The following ZNF804B variants were observed in gnomAD, a reference collection of about 807,000 sequenced individuals.
The protein encoded by ZNF804B is zinc finger protein 804B.
In ZNF804B, 80 loss-of-function variants were observed where a neutral mutation model predicts 101.4. The ratio of observed to expected loss-of-function variants is 0.79; its 90% CI spans 0.66 to 0.95. The LOEUF is 0.95. ZNF804B is among the 40% of genes least tolerant of loss of function. The pLI, the probability that ZNF804B is intolerant of heterozygous loss-of-function variation, is 0.00. For synonymous variants in ZNF804B, 622 were observed against 558.8 expected, an observed-to-expected ratio of 1.11 and a Z score of -1.59; for missense variants, 1,673 against 1,561.9, an observed-to-expected ratio of 1.07 and a Z score of -1.20.
chr7:88,934,304 T>C (rs1792934437), intron 1 of ZNF804B, among the ~76,000 whole-genome samples: 1 of 151,742 alleles, frequency 6.6e-6, no homozygotes, highest in Admixed American at 6.6e-5. Context: ...TTCTAGAAGA[T>C]AATTTCAGAG....
At chr7:88,980,518 G>T (rs1353812473) in intron 1 of ZNF804B, among the ~76,000 whole-genome samples, 2 of 152,086 alleles carry the variant, frequency 1.3e-5, no homozygotes, top group Non-Finnish European at 2.9e-5. Flanking sequence ...AGCCATATCT[G>T]CAATAGGAGG....
At chr7:89,176,561 CTTTT>C (rs1210229800) in intron 1 of ZNF804B, among the ~76,000 whole-genome samples, 2 of 58,680 alleles carry the variant, frequency 3.4e-5, no homozygotes, top group African/African-American at 7.0e-5. Context: ...GGTTTTCTTT[CTTTT>C]CTTTTTTTTC....
intron 1 of ZNF804B, among the ~76,000 whole-genome samples, chr7:88,894,292 C>G (rs907548225): frequency 6.6e-6 from 1 of 151,606 alleles, no homozygotes; most frequent in African/African-American, 2.4e-5. Flanking sequence ...CAGCTTATTG[C>G]AACCTCTGCC....
intron 1 of ZNF804B, among the ~76,000 whole-genome samples, chr7:88,901,192 T>A (rs996905690): frequency 1.3e-5 from 2 of 151,884 alleles, no homozygotes; most frequent in African/African-American, 2.4e-5. Context: ...CAGTTTTCCC[T>A]TTTCAATATT....
At chr7:89,271,783 C>T (rs1362543484) in intron 2 of ZNF804B, among the ~76,000 whole-genome samples, 2 of 152,074 alleles carry the variant, frequency 1.3e-5, no homozygotes, top group Admixed American at 6.6e-5. Flanking sequence ...CAACTTCTTC[C>T]TGGTTTAGTC....
intron 2 of ZNF804B, among the ~76,000 whole-genome samples, chr7:89,276,909 A>G (rs1789989543): frequency 6.6e-6 from 1 of 151,638 alleles, no homozygotes. Context: ...AAGTGTTCAC[A>G]AGTTGTTTTT....
At chr7:89,021,714 C>T (rs1396191167) in intron 1 of ZNF804B, among the ~76,000 whole-genome samples, 1 of 152,092 alleles carries the variant, frequency 6.6e-6, no homozygotes, top group Non-Finnish European at 1.5e-5. Flanking sequence ...TTTGAGTAGC[C>T]AGAGTTGCGA....
intron 1 of ZNF804B, among the ~76,000 whole-genome samples, chr7:89,052,950 G>A (rs6465181): frequency 0.82 from 124,982 of 152,126 alleles, 51,831 homozygotes; most frequent in African/African-American, 0.94. Context: ...AAACTTGTCT[G>A]TATTCCTCCA....
intron 1 of ZNF804B, among the ~76,000 whole-genome samples, chr7:88,847,078 A>G (rs1791383685): frequency 6.6e-6 from 1 of 152,054 alleles, no homozygotes; most frequent in Non-Finnish European, 1.5e-5. Flanking sequence ...TTAATTTGAC[A>G]TGGTATCTGG....
intron 1 of ZNF804B, among the ~76,000 whole-genome samples, chr7:89,156,807 C>A (rs1308813460): frequency 1.3e-5 from 2 of 152,104 alleles, no homozygotes; most frequent in Non-Finnish European, 2.9e-5. Context: ...ATTGTGAATG[C>A]TGGCGCCTAG....
In ZNF804B at chr7:88,759,807, C is replaced by G; in HGVS notation, c.-170C>G. On this transcript the variant is annotated 5_prime_UTR_variant, in exon 1 of 4. Transcript: ENST00000333190. ...GAGCAGCAGCTGTCGGCAGCAGGAG[C>G]CCCGCACGGGGCGCGGAGCAGGGAC... 1.6e-6 allele frequency: 1 copy of G among 610,620 alleles called. No individual in the cohort carries two copies. Among genetic ancestry groups the G allele is most frequent in the Non-Finnish European group, 2.9e-6 (1 of 344,020 alleles). The allele number at this position is 610,620 out of a possible 1,614,324, so 37.8% of individuals were successfully genotyped here.
intron 2 of ZNF804B, among the ~76,000 whole-genome samples, chr7:89,265,363 CAG>C (rs1299440528): frequency 1.3e-5 from 2 of 152,062 alleles, no homozygotes; most frequent in Non-Finnish European, 2.9e-5. Context: ...AGTAAATAAA[CAG>C]ATAAGCACAA....
At chr7:89,073,025 T>A (rs1220617333) in intron 1 of ZNF804B, among the ~76,000 whole-genome samples, 1 of 152,132 alleles carries the variant, frequency 6.6e-6, no homozygotes, top group East Asian at 1.9e-4. Flanking sequence ...AAGTTTGAAA[T>A]AAAGACTGTT....
chr7:89,133,256 A>G (rs1319149013), intron 1 of ZNF804B, among the ~76,000 whole-genome samples: 1 of 152,032 alleles, frequency 6.6e-6, no homozygotes, highest in East Asian at 1.9e-4. Context: ...AGATTGGTTC[A>G]CCACAAATTT....
intron 2 of ZNF804B, among the ~76,000 whole-genome samples, chr7:89,232,112 G>T (rs964453331): frequency 2.6e-5 from 4 of 152,034 alleles, no homozygotes; most frequent in Admixed American, 6.6e-5. Context: ...TATTGAGAGG[G>T]TGTTTTATTT....
intron 1 of ZNF804B, among the ~76,000 whole-genome samples, chr7:88,799,719 A>T (rs1001491728): frequency 1.3e-5 from 2 of 152,122 alleles, no homozygotes; most frequent in African/African-American, 4.8e-5. Context: ...AGATTTCAGG[A>T]GCTTAGAGTC....
At chr7:88,965,124 A>G (rs913763604) in intron 1 of ZNF804B, among the ~76,000 whole-genome samples, 5 of 151,590 alleles carry the variant, frequency 3.3e-5, no homozygotes, top group African/African-American at 1.2e-4. Context: ...TAATAAAGAT[A>G]ATTTTCTTGG....
chr7:89,320,504 T>A (rs1197463853), intron 2 of ZNF804B, among the ~76,000 whole-genome samples: 1 of 152,044 alleles, frequency 6.6e-6, no homozygotes, highest in East Asian at 1.9e-4. Context: ...GCCAAATAAC[T>A]GTAATGGAGC....
chr7:88,856,891 T>C (rs958624384), intron 1 of ZNF804B, among the ~76,000 whole-genome samples: 2 of 152,176 alleles, frequency 1.3e-5, no homozygotes, highest in African/African-American at 4.8e-5. Context: ...TTGGTTCTGT[T>C]TATATGCTGG....
Sources: allele counts gnomAD v4.1 joint callset (sites outside exome capture counted in the v4.1 genomes callset), GRCh38; gene constraint gnomAD v4.1.1; transcripts MANE v1.5; gene names NCBI Gene and HGNC (gene_info 2026-07-23, HGNC 2026-07-21).